ABAT: variants seen among roughly 807,000 people sequenced by gnomAD.
ABAT encodes the protein 4-aminobutyrate aminotransferase, also known as 4-aminobutyrate aminotransferase, mitochondrial.
In ABAT, 45 loss-of-function variants were observed where a neutral mutation model predicts 64.6. That is an observed-to-expected ratio of 0.70 (90% CI 0.55 to 0.89). ABAT has a LOEUF of 0.89. ABAT is among the 40% of genes least tolerant of loss of function. ABAT has a pLI of 0.00. For synonymous variants in ABAT, 297 were observed against 250.5 expected, an observed-to-expected ratio of 1.19 and a Z score of -1.75; for missense variants, 633 against 658.4, an observed-to-expected ratio of 0.96 and a Z score of 0.42.
chr16:8,697,202 A>C (rs143091959), intron 1 of ABAT, among the ~76,000 whole-genome samples: 1 of 152,250 alleles, frequency 6.6e-6, no homozygotes, highest in Non-Finnish European at 1.5e-5. Flanking sequence ...CCCCGGGGGA[A>C]ACTCATTCCA....
At chr16:8,687,424 G>A (rs868457314) in intron 1 of ABAT, among the ~76,000 whole-genome samples, 1 of 152,204 alleles carries the variant, frequency 6.6e-6, no homozygotes. Context: ...CACACGGGAG[G>A]CTGAGGCAGG....
intron 1 of ABAT, among the ~76,000 whole-genome samples, chr16:8,733,304 T>C (rs1387599150): frequency 1.8e-4 from 27 of 148,572 alleles, no homozygotes; most frequent in Admixed American, 6.0e-4. Flanking sequence ...CCTCACTTCC[T>C]AGGTGGGATG....
At chr16:8,721,632 T>C (rs142220879) in intron 1 of ABAT, among the ~76,000 whole-genome samples, 2 of 152,328 alleles carry the variant, frequency 1.3e-5, no homozygotes, top group East Asian at 1.9e-4. Flanking sequence ...GGAAGGTCTA[T>C]TGCATGTGGT....
chr16:8,693,161 T>A (rs1431498914), intron 1 of ABAT, among the ~76,000 whole-genome samples: 4 of 152,192 alleles, frequency 2.6e-5, no homozygotes, highest in Admixed American at 6.5e-5. Context: ...AGCCTCCATG[T>A]GTAACTTTTG....
chr16:8,761,481 G>A (rs1264491028), intron 6 of ABAT, among the ~76,000 whole-genome samples: 1 of 152,214 alleles, frequency 6.6e-6, no homozygotes, highest in Non-Finnish European at 1.5e-5. Flanking sequence ...CTCATTCATT[G>A]GTTATTGACT....
chr16:8,677,123 A>G (rs771487685), intron 1 of ABAT, among the ~76,000 whole-genome samples: 5 of 152,222 alleles, frequency 3.3e-5, no homozygotes, highest in Non-Finnish European at 5.9e-5. Flanking sequence ...TCTGCCACTT[A>G]GTGTCTGATC....
At chr16:8,675,719 T>C (rs563030828) in intron 1 of ABAT, among the ~76,000 whole-genome samples, 1 of 152,270 alleles carries the variant, frequency 6.6e-6, no homozygotes, top group African/African-American at 2.4e-5. Context: ...ACAACAGAGA[T>C]GGCCTCTGAG....
At chr16:8,696,443 T>A (rs1282139466) in intron 1 of ABAT, among the ~76,000 whole-genome samples, 1 of 152,134 alleles carries the variant, frequency 6.6e-6, no homozygotes, top group Admixed American at 6.6e-5. Context: ...GCCAACATGA[T>A]GAAGCCCTGT....
chr16:8,774,559 G>A (rs1020364051), intron 12 of ABAT, among the ~76,000 whole-genome samples: 5 of 152,132 alleles, frequency 3.3e-5, no homozygotes, highest in Non-Finnish European at 5.9e-5. Context: ...GTTGGACACA[G>A]CTCCCTCTGA....
chr16:8,752,263 C>G (rs987420553), intron 5 of ABAT, among the ~76,000 whole-genome samples: 1 of 152,178 alleles, frequency 6.6e-6, no homozygotes, highest in Non-Finnish European at 1.5e-5. Context: ...ATTTTGGAGA[C>G]AAGAATTTAA....
intron 13 of ABAT, among the ~76,000 whole-genome samples, chr16:8,775,391 C>T (rs568558118): frequency 6.6e-6 from 1 of 152,176 alleles, no homozygotes; most frequent in Non-Finnish European, 1.5e-5. Flanking sequence ...TGAGAACAAT[C>T]TAACCAAGTA....
chr16:8,758,979 G>A (rs765757465), intron 6 of ABAT, among the ~76,000 whole-genome samples: 8 of 152,146 alleles, frequency 5.3e-5, no homozygotes, highest in Non-Finnish European at 1.0e-4. Context: ...GTGTGAGCCT[G>A]TAATCTCAGC....
chr16:8,763,512 G>C (rs2059855469), intron 6 of ABAT, among the ~76,000 whole-genome samples: 1 of 152,082 alleles, frequency 6.6e-6, no homozygotes, highest in African/African-American at 2.4e-5. Flanking sequence ...TTTTGGATTT[G>C]CACTGAGTGC....
intron 1 of ABAT, among the ~76,000 whole-genome samples, chr16:8,679,044 C>T (rs2057269940): frequency 6.6e-6 from 1 of 152,082 alleles, no homozygotes; most frequent in Non-Finnish European, 1.5e-5. Context: ...GTGGGCTGGC[C>T]ACCTTGTCTC....
chr16:8,734,050 G>C (rs1054031095), intron 1 of ABAT, among the ~76,000 whole-genome samples: 3 of 152,148 alleles, frequency 2.0e-5, no homozygotes, highest in African/African-American at 7.2e-5. Context: ...TGGACGTCTA[G>C]GTTGCTTCCA....
intron 11 of ABAT, among the ~76,000 whole-genome samples, chr16:8,772,465 G>T (rs892759704): frequency 2.6e-5 from 4 of 152,132 alleles, no homozygotes; most frequent in Non-Finnish European, 4.4e-5. Flanking sequence ...TTCTCATTCA[G>T]TCCTCTCCAC....
In ABAT at chr16:8,764,965, G is replaced by A. The variant is rs1041587950; in HGVS notation, c.540+135G>A. The A allele has an allele frequency of 7.3e-6, 6 of 826,434 alleles. No homozygotes were observed. The Admixed American group carries it at 1.2e-4, about 16-fold the overall frequency. The allele number at this position is 826,434 out of a possible 1,614,324, so 51.2% of individuals were successfully genotyped here. On this transcript the variant is annotated intron_variant, in intron 8 of 15. Coordinates refer to ENST00000268251, the MANE Select transcript of ABAT (RefSeq NM_020686.6). The surrounding 1 kb of genome is among the most constrained non-coding windows in gnomAD (Gnocchi z 4.2). ...AGTACCAGGGTTAAAATACAGGGAGGGCCACTGCTGGATGGTACTTTGAGA... is the reference window on the plus strand; with the variant it reads ...AGTACCAGGGTTAAAATACAGGGAGAGCCACTGCTGGATGGTACTTTGAGA...
chr16:8,720,692 GAAGTGC>G (rs2058343931), intron 1 of ABAT: 1 of 152,318 alleles, frequency 6.6e-6, no homozygotes, highest in Non-Finnish European at 1.5e-5. Flanking sequence ...CTTGACAACT[GAAGTGC>G]ACTTGGCTGA....
chr16:8,769,557 CAAAAAAA>C (rs35002036), intron 11 of ABAT, among the ~76,000 whole-genome samples: 6 of 86,762 alleles, frequency 6.9e-5, no homozygotes, highest in African/African-American at 1.4e-4. Context: ...AGACTCTGTC[CAAAAAAA>C]AAAAAAAAAA....
Sources: gnomAD v4.1 joint callset for allele counts (sites outside exome capture counted in the v4.1 genomes callset) on GRCh38, gnomAD v4.1.1 for gene constraint, Gnocchi (gnomAD v3.1) non-coding constraint, MANE v1.5 for transcripts, NCBI Gene and HGNC (gene_info 2026-07-23, HGNC 2026-07-21) for gene names.